The following ETNK1 variants were observed in gnomAD, a reference collection of about 807,000 sequenced individuals.
ETNK1 encodes the protein ethanolamine kinase 1.
ETNK1 carries 8 observed loss-of-function variants against 45.1 expected under a neutral mutation model. The observed-to-expected ratio is 0.18, with a 90% confidence interval of 0.10 to 0.32. The LOEUF (loss-of-function observed/expected upper bound fraction) is 0.32, where lower values mean the gene tolerates loss of function less well. Among genes scored for constraint, ETNK1 ranks in the 10% least tolerant of loss-of-function variants. The pLI, the probability that ETNK1 is intolerant of heterozygous loss-of-function variation, is 1.00. For synonymous variants in ETNK1, 152 were observed against 151.9 expected, an observed-to-expected ratio of 1.00 and a Z score of -0.01; for missense variants, 302 against 430.6, an observed-to-expected ratio of 0.70 and a Z score of 2.64.
chr12:22,645,771 C>T (rs1021336176), intron 2 of ETNK1, among the ~76,000 whole-genome samples: 2 of 151,628 alleles, frequency 1.3e-5, no homozygotes, highest in Non-Finnish European at 3.0e-5. Context: ...TTATTGTTAA[C>T]TATAATTTCC....
chr12:22,664,699 C>G (rs113102326), intron 4 of ETNK1, among the ~76,000 whole-genome samples: 14 of 152,130 alleles, frequency 9.2e-5, no homozygotes, highest in African/African-American at 3.4e-4. Flanking sequence ...CATGTTGAGT[C>G]TTTTGAGATT....
At chr12:22,633,984 T>A (rs1474818546) in intron 1 of ETNK1, among the ~76,000 whole-genome samples, 1 of 152,122 alleles carries the variant, frequency 6.6e-6, no homozygotes, top group Non-Finnish European at 1.5e-5. Context: ...CTAACACACT[T>A]GAAAAAGAAG....
chr12:22,671,174 G>A, intron 4 of ETNK1, 98 bp from the exon 5 acceptor site: 1 of 880,352 alleles, frequency 1.1e-6, no homozygotes, highest in Non-Finnish European at 1.9e-6. Flanking sequence ...CACGTACAAT[G>A]AGACAAAATA....
At chr12:22,678,520 A>G (rs1017432431) in intron 6 of ETNK1, among the ~76,000 whole-genome samples, 1 of 152,242 alleles carries the variant, frequency 6.6e-6, no homozygotes, top group Admixed American at 6.5e-5. Flanking sequence ...TTATTGCCAT[A>G]CAAAGATAGT....
chr12:22,671,540 A>G (rs1565447297), intron 5 of ETNK1, among the ~76,000 whole-genome samples, 185 bp downstream of exon 5: 1 of 152,078 alleles, frequency 6.6e-6, no homozygotes, highest in Non-Finnish European at 1.5e-5. Flanking sequence ...CTTAATTGCT[A>G]TCAGAAAGTA....
intron 1 of ETNK1, among the ~76,000 whole-genome samples, chr12:22,635,811 G>A (rs1953648701): frequency 1.3e-5 from 2 of 152,116 alleles, no homozygotes; most frequent in Admixed American, 1.3e-4. Context: ...GATACTCTAA[G>A]TGATTTTCAT....
In ETNK1 at chr12:22,684,596, T is replaced by G. The variant is rs1954242976; in HGVS notation, c.1019+40T>G. Reference sequence around the variant, plus strand: ...ATTATATGATTACATTGGTCTCTGCTTTTGTTTGGATTAACATTAAGAATT... The same window carrying G: ...ATTATATGATTACATTGGTCTCTGCGTTTGTTTGGATTAACATTAAGAATT... On this transcript the variant is annotated intron_variant, in intron 7 of 7. Coordinates refer to ENST00000266517, the MANE Select transcript of ETNK1 (RefSeq NM_018638.5). 5.3e-6 allele frequency: 7 copies of G among 1,312,926 alleles called. No homozygotes were observed. In the East Asian group the frequency reaches 1.6e-4, roughly 30 times the overall value. The allele number at this position is 1,312,926 out of a possible 1,614,324, so 81.3% of individuals were successfully genotyped here.
intron 2 of ETNK1, among the ~76,000 whole-genome samples, chr12:22,655,136 T>G (rs966630081): frequency 6.6e-6 from 1 of 151,552 alleles, no homozygotes; most frequent in African/African-American, 2.4e-5. Context: ...CCGGCTAATT[T>G]TTTCTATTTT....
intron 1 of ETNK1, among the ~76,000 whole-genome samples, chr12:22,639,701 T>C (rs1262050911): frequency 6.6e-6 from 1 of 151,984 alleles, no homozygotes; most frequent in East Asian, 1.9e-4. Flanking sequence ...ATCTAGAACC[T>C]TGATTAGATT....
At chr12:22,665,789 A>T (rs1954047585) in intron 4 of ETNK1, among the ~76,000 whole-genome samples, 1 of 152,142 alleles carries the variant, frequency 6.6e-6, no homozygotes, top group Middle Eastern at 3.4e-3. Context: ...AAAAATGAAA[A>T]ATGGTTACTA....
chr12:22,643,237 T>C (rs1953761609), intron 1 of ETNK1, among the ~76,000 whole-genome samples: 1 of 152,102 alleles, frequency 6.6e-6, no homozygotes, highest in Non-Finnish European at 1.5e-5. Flanking sequence ...ATGTAAATTA[T>C]GGTAGATTAT....
intron 2 of ETNK1, among the ~76,000 whole-genome samples, chr12:22,657,574 C>T (rs946549619): frequency 4.0e-5 from 6 of 150,704 alleles, no homozygotes; most frequent in Admixed American, 6.6e-5. Flanking sequence ...TTTCTCTAAC[C>T]GGTTTAACCA....
intron 4 of ETNK1, among the ~76,000 whole-genome samples, chr12:22,662,923 C>T (rs1954021042): frequency 1.3e-5 from 2 of 152,138 alleles, no homozygotes; most frequent in Admixed American, 1.3e-4. Context: ...GGTACACTGT[C>T]AAGAGTGGTA....
At chr12:22,658,465 G>A (rs1953966226) in intron 2 of ETNK1, among the ~76,000 whole-genome samples, 1 of 152,166 alleles carries the variant, frequency 6.6e-6, no homozygotes, top group African/African-American at 2.4e-5. Context: ...GTCCAGTGAT[G>A]AATCTGATTC....
At chr12:22,675,917 A>T (rs537869077) in intron 6 of ETNK1, among the ~76,000 whole-genome samples, 5 of 152,240 alleles carry the variant, frequency 3.3e-5, no homozygotes, top group African/African-American at 1.2e-4. Flanking sequence ...TCCATAGGGC[A>T]TATAGTAAGT....
intron 2 of ETNK1, chr12:22,644,467 A>G (rs991051029): frequency 3.7e-5 from 31 of 834,304 alleles, no homozygotes; most frequent in Admixed American, 4.4e-5. Context: ...TATGTTTTCT[A>G]TAAAGAATAA....
chr12:22,671,223 T>C lies in ETNK1; in HGVS notation c.701-49T>C, dbSNP rs184844659. The C allele has an allele frequency of 1.0e-4, 132 of 1,273,692 alleles. No homozygotes were observed. In the African/African-American group the frequency reaches 1.7e-3, roughly 16 times the overall value. The allele number at this position is 1,273,692 out of a possible 1,614,324, so 78.9% of individuals were successfully genotyped here. A position where few individuals can be genotyped will look rare whatever the true frequency, so the allele number is the denominator to read the frequency against. ...AATTACAAATAGCATAGGGATTTTC[T>C]GATCTTATATGTGATTTCTTAATGT... is the stretch of plus-strand genomic sequence containing the variant. On this transcript the variant is annotated intron_variant, in intron 4 of 7. Coordinates refer to ENST00000266517, the MANE Select transcript of ETNK1 (RefSeq NM_018638.5).
intron 2 of ETNK1, among the ~76,000 whole-genome samples, chr12:22,649,674 A>G (rs936200906): frequency 5.3e-5 from 8 of 152,030 alleles, no homozygotes; most frequent in African/African-American, 1.9e-4. Flanking sequence ...CTTGTCTTTC[A>G]ATATTGTGTT....
chr12:22,673,680 A>ACT lies in ETNK1; in HGVS notation c.945+20_945+21insCT. Reference sequence around the variant, plus strand: ...GCATTGGTAAGTTTAAATGTACACAATTAATGAAAGGTTCTTACTGTAATT... The same window carrying ACT: ...GCATTGGTAAGTTTAAATGTACACAACTTTAATGAAAGGTTCTTACTGTAATT... On this transcript the variant is annotated intron_variant, in intron 6 of 7. Transcript: ENST00000266517. 6.3e-7 allele frequency: 1 copy of ACT among 1,586,630 alleles called. No homozygotes were observed. Among genetic ancestry groups the ACT allele is most frequent in the Non-Finnish European group, 8.6e-7 (1 of 1,161,542 alleles).
Sources: gnomAD v4.1 joint callset for allele counts (sites outside exome capture counted in the v4.1 genomes callset) on GRCh38, gnomAD v4.1.1 for gene constraint, MANE v1.5 for transcripts, NCBI Gene and HGNC (gene_info 2026-07-23, HGNC 2026-07-21) for gene names.